The following KCNT2 variants were observed in gnomAD, a reference collection of about 807,000 sequenced individuals.
KCNT2 encodes potassium sodium-activated channel subfamily T member 2.
In KCNT2, 67 loss-of-function variants were observed where a neutral mutation model predicts 153.8. The ratio of observed to expected loss-of-function variants is 0.44; its 90% CI spans 0.36 to 0.53. KCNT2 has a LOEUF of 0.53. Ranked by LOEUF, KCNT2 falls within the 20% of genes least tolerant of loss-of-function variation. The pLI, the probability that KCNT2 is intolerant of heterozygous loss-of-function variation, is 0.00. For synonymous variants in KCNT2, 500 were observed against 458.8 expected (o/e 1.09, Z -1.15); for missense variants, 975 against 1,354.8 (o/e 0.72, Z 4.40).
At chr1:196,451,225 T>A (rs1315642051) in intron 8 of KCNT2, among the ~76,000 whole-genome samples, 20 of 139,216 alleles carry the variant, frequency 1.4e-4, no homozygotes, top group Admixed American at 7.4e-4. Context: ...TTCTTTTTTT[T>A]TTTTTTTTTT....
chr1:196,342,256 A>G, intron 14 of KCNT2, 28 bp from the exon 15 acceptor site: 1 of 1,578,212 alleles, frequency 6.3e-7, no homozygotes, highest in Non-Finnish European at 8.6e-7. Context: ...ACACATACAC[A>G]CACACAAAAA....
At chr1:196,420,829 G>C (rs992074645) in intron 12 of KCNT2, among the ~76,000 whole-genome samples, 3 of 151,964 alleles carry the variant, frequency 2.0e-5, no homozygotes, top group Non-Finnish European at 4.4e-5. Flanking sequence ...CTTAACTGTA[G>C]CTGGTGTTTC....
intron 27 of KCNT2, among the ~76,000 whole-genome samples, chr1:196,234,671 T>C (rs1356070116): frequency 6.6e-6 from 1 of 151,416 alleles, no homozygotes; most frequent in Non-Finnish European, 1.5e-5. Context: ...TGACAACATA[T>C]AAAAGAGTCT....
At chr1:196,601,380 A>G (rs2149031133) in intron 1 of KCNT2, among the ~76,000 whole-genome samples, 1 of 152,296 alleles carries the variant, frequency 6.6e-6, no homozygotes, top group South Asian at 2.1e-4. Context: ...TAAATCTAAT[A>G]TCGGTTTCCA....
At chr1:196,537,794 T>G (rs1037116934) in intron 1 of KCNT2, among the ~76,000 whole-genome samples, 6 of 152,210 alleles carry the variant, frequency 3.9e-5, no homozygotes, top group African/African-American at 1.4e-4. Context: ...CGAAATCAAA[T>G]GTATCCATAT....
rs534476429 is a variant in KCNT2, at chr1:196,423,174, A to G, written c.1122-61T>C. The stretch of plus-strand genomic sequence containing the variant: ...TGAAATATCTACAGGTTTTCTGAAA[A>G]ATAGAATTTCAGTCTTGAGTCCATA... On this transcript the variant is annotated intron_variant, in intron 11 of 27. Transcript: ENST00000294725. The G allele has an allele frequency of 2.6e-6, 3 of 1,149,700 alleles. No homozygotes were observed. In the East Asian group the frequency reaches 7.5e-5, roughly 29 times the overall value. 71.2% of individuals were successfully genotyped at this position (1,149,700 alleles called of 1,614,324 possible).
intron 4 of KCNT2, among the ~76,000 whole-genome samples, chr1:196,480,997 C>A (rs1038329216): frequency 9.3e-5 from 14 of 150,082 alleles, no homozygotes; most frequent in Non-Finnish European, 1.9e-4. Context: ...TTTAAATGTG[C>A]ACTTAATTGA....
intron 1 of KCNT2, among the ~76,000 whole-genome samples, chr1:196,533,458 G>A (rs1331755508): frequency 1.3e-5 from 2 of 152,064 alleles, no homozygotes; most frequent in African/African-American, 4.8e-5. Flanking sequence ...ATATGAACTA[G>A]TCGTACTGGC....
chr1:196,268,090 AT>A (rs1657718644), intron 25 of KCNT2, among the ~76,000 whole-genome samples: 1 of 152,190 alleles, frequency 6.6e-6, no homozygotes. Flanking sequence ...GCAGGGAATC[AT>A]TTGAGCACTA....
chr1:196,470,516 T>C (rs1231785876), intron 5 of KCNT2, among the ~76,000 whole-genome samples: 2 of 152,124 alleles, frequency 1.3e-5, no homozygotes, highest in Admixed American at 6.5e-5. Flanking sequence ...CCAAGGTCTG[T>C]GTCAGAGCCC....
At chr1:196,309,793 ATGT>A (rs1036464043) in intron 21 of KCNT2, among the ~76,000 whole-genome samples, 28 of 151,912 alleles carry the variant, frequency 1.8e-4, no homozygotes, top group Admixed American at 1.3e-3. Context: ...CACATTTTGC[ATGT>A]AGAACATTTT....
chr1:196,442,588 T>C (rs1327671400), intron 8 of KCNT2, among the ~76,000 whole-genome samples: 2 of 151,298 alleles, frequency 1.3e-5, no homozygotes, highest in Non-Finnish European at 3.0e-5. Context: ...AATGCAAGAG[T>C]CATGCTTAAA....
At chr1:196,534,187 C>G (rs1351150961) in intron 1 of KCNT2, among the ~76,000 whole-genome samples, 1 of 152,058 alleles carries the variant, frequency 6.6e-6, no homozygotes, top group Admixed American at 6.6e-5. Context: ...GTTCCCATAT[C>G]TCATGGTTAT....
intron 12 of KCNT2, chr1:196,404,052 T>C: frequency 2.4e-6 from 1 of 424,362 alleles, no homozygotes; most frequent in Non-Finnish European, 3.2e-6. Context: ...ACTGAACTCA[T>C]CTTGCTACTG....
intron 14 of KCNT2, among the ~76,000 whole-genome samples, chr1:196,343,367 T>A (rs1280189003): frequency 6.6e-6 from 1 of 152,186 alleles, no homozygotes; most frequent in African/African-American, 2.4e-5. Context: ...TCTCATTTTA[T>A]ATAATAAATT....
chr1:196,446,270 T>C (rs950217819), intron 8 of KCNT2, among the ~76,000 whole-genome samples: 2 of 151,516 alleles, frequency 1.3e-5, no homozygotes, highest in Non-Finnish European at 3.0e-5. Flanking sequence ...TACTATTCTC[T>C]ATACTTTTTC....
intron 21 of KCNT2, among the ~76,000 whole-genome samples, chr1:196,311,492 A>C (rs557936910): frequency 6.6e-6 from 1 of 152,018 alleles, no homozygotes; most frequent in African/African-American, 2.4e-5. Flanking sequence ...TTATCTTACA[A>C]GTGTGGTCAG....
chr1:196,326,909 C>T lies in KCNT2; in HGVS notation c.2104-20G>A, dbSNP rs776704951. 1.4e-6 allele frequency: 2 copies of T among 1,419,454 alleles called. No individual in the cohort carries two copies. Among genetic ancestry groups the T allele is most frequent in the African/African-American group, 3.0e-5 (2 of 66,906 alleles). The allele number at this position is 1,419,454 out of a possible 1,614,324, so 87.9% of individuals were successfully genotyped here. On this transcript the variant is annotated intron_variant, in intron 18 of 27. Transcript: ENST00000294725. ...GCAACTCTAGAGAAGAGAAAGTATA[C>T]ATTGAAATGCCATTTGGATACTTCA...
intron 21 of KCNT2, among the ~76,000 whole-genome samples, chr1:196,309,000 A>G (rs1433390461): frequency 1.3e-5 from 2 of 151,938 alleles, no homozygotes; most frequent in Non-Finnish European, 2.9e-5. Flanking sequence ...CTGACTTTAA[A>G]CACTATAATA....
Sources: gnomAD v4.1 joint callset for allele counts (sites outside exome capture counted in the v4.1 genomes callset) on GRCh38, gnomAD v4.1.1 for gene constraint, MANE v1.5 for transcripts, NCBI Gene and HGNC (gene_info 2026-07-23, HGNC 2026-07-21) for gene names.